The following MICAL2 variants were observed in gnomAD, a reference collection of about 807,000 sequenced individuals.
MICAL2 encodes microtubule associated monooxygenase, calponin and LIM domain containing 2.
A neutral mutation model predicts 127.3 loss-of-function variants in MICAL2; 77 were observed. The observed-to-expected ratio is 0.60, with a 90% CI of 0.50 to 0.73. The LOEUF (loss-of-function observed/expected upper bound fraction) is 0.73. MICAL2 is among the 30% of genes least tolerant of loss of function. The pLI is 0.00. For missense variants in MICAL2, 1,351 were observed against 1,434.4 expected (o/e 0.94, Z 0.94); for synonymous variants, 570 against 551.1 (o/e 1.03, Z -0.48).
intron 32 of MICAL2, among the ~76,000 whole-genome samples, chr11:12,330,751 C>T (rs1864406302): frequency 6.7e-6 from 1 of 150,182 alleles, no homozygotes; most frequent in African/African-American, 2.4e-5. Flanking sequence ...TAATAATCCA[C>T]CCCAGATGAC....
At chr11:12,257,832 G>C (rs546286853) in intron 24 of MICAL2, among the ~76,000 whole-genome samples, 13 of 152,190 alleles carry the variant, frequency 8.5e-5, no homozygotes, top group Non-Finnish European at 1.8e-4. Flanking sequence ...AGTGAGCAAG[G>C]AAGGCTTGTC....
intron 32 of MICAL2, among the ~76,000 whole-genome samples, chr11:12,347,873 G>A (rs1938981100): frequency 6.6e-6 from 1 of 152,038 alleles, no homozygotes; most frequent in East Asian, 1.9e-4. Flanking sequence ...GACATAGCAG[G>A]CCAGGCACGG....
chr11:12,194,631 G>A (rs1490587702), intron 3 of MICAL2, among the ~76,000 whole-genome samples: 1 of 152,070 alleles, frequency 6.6e-6, no homozygotes, highest in African/African-American at 2.4e-5. Flanking sequence ...CTAAAGAAAT[G>A]TGAGATTTAT....
intron 2 of MICAL2, among the ~76,000 whole-genome samples, chr11:12,155,876 C>T (rs1854132135): frequency 6.6e-6 from 1 of 152,148 alleles, no homozygotes; most frequent in African/African-American, 2.4e-5. Flanking sequence ...GATGCCAGGA[C>T]GGGAGGCCTG....
intron 3 of MICAL2, among the ~76,000 whole-genome samples, chr11:12,202,401 A>G (rs1281102109): frequency 6.6e-6 from 1 of 152,222 alleles, no homozygotes; most frequent in African/African-American, 2.4e-5. Flanking sequence ...CCAATTAAGC[A>G]GCTGCTTTGT....
At chr11:12,134,631 A>G (rs16910591) in intron 1 of MICAL2, among the ~76,000 whole-genome samples, 1 of 152,272 alleles carries the variant, frequency 6.6e-6, no homozygotes, top group Non-Finnish European at 1.5e-5. Flanking sequence ...TAAAGCAGGC[A>G]CTTGTTGAGG....
chr11:12,202,452 T>A (rs1301169171), intron 3 of MICAL2, among the ~76,000 whole-genome samples: 2 of 152,134 alleles, frequency 1.3e-5, no homozygotes, highest in African/African-American at 4.8e-5. Context: ...CCATAATAGT[T>A]CCTTAGATTT....
At chr11:12,359,314 T>A (rs960276269), downstream of MICAL2, among the ~76,000 whole-genome samples, 13 of 139,874 alleles carry the variant, frequency 9.3e-5, no homozygotes, top group African/African-American at 3.1e-4. Context: ...AAGTACTTTT[T>A]AAATAAGTGT....
chr11:12,276,872 C>A (rs1306497108), intron 1 of MICAL2, among the ~76,000 whole-genome samples: 1 of 152,188 alleles, frequency 6.6e-6, no homozygotes, highest in African/African-American at 2.4e-5. Flanking sequence ...AAAGCATCAC[C>A]TATGCGCCAG....
At chr11:12,306,187 CT>C (rs1223255499) in intron 29 of MICAL2, among the ~76,000 whole-genome samples, 1 of 152,198 alleles carries the variant, frequency 6.6e-6, no homozygotes, top group Non-Finnish European at 1.5e-5. Flanking sequence ...TCCTCTGTTT[CT>C]TTCAGTCACT....
At chr11:12,120,406 G>A (rs947063360) in intron 1 of MICAL2, among the ~76,000 whole-genome samples, 3 of 152,162 alleles carry the variant, frequency 2.0e-5, no homozygotes, top group East Asian at 3.9e-4. Flanking sequence ...GCCCAGGCTC[G>A]GAGCTCACAG....
At chr11:12,204,112 C>T (rs973668414) in intron 3 of MICAL2, 138 bp from the exon 4 acceptor site, 4 of 758,560 alleles carry the variant, frequency 5.3e-6, no homozygotes, top group Admixed American at 4.6e-5. Flanking sequence ...AATGACAGGC[C>T]CTAACAGGTA....
At chr11:12,136,776 A>G (rs554656217) in intron 1 of MICAL2, among the ~76,000 whole-genome samples, 2 of 152,170 alleles carry the variant, frequency 1.3e-5, no homozygotes, top group East Asian at 3.9e-4. Flanking sequence ...GGCCTCTGTG[A>G]GCATCTGACC....
At chr11:12,149,980 G>A (rs758920641) in intron 2 of MICAL2, among the ~76,000 whole-genome samples, 24 of 152,266 alleles carry the variant, frequency 1.6e-4, no homozygotes, top group South Asian at 4.1e-4. Flanking sequence ...CATAAGTGGC[G>A]GTTGCATTTA....
downstream of MICAL2, among the ~76,000 whole-genome samples, chr11:12,360,012 G>A (rs1395351806): frequency 6.6e-6 from 1 of 151,916 alleles, no homozygotes; most frequent in African/African-American, 2.4e-5. Context: ...TTTCCTCTGA[G>A]TCAGCCAATG....
rs115662296 is a variant in MICAL2, at chr11:12,145,254, C to A, written c.-78+6794C>A. Among the ~76,000 whole-genome samples, 728 of 152,266 alleles carry A rather than the reference C, an allele frequency of 4.8e-3. 2 individuals are homozygous for A. Among genetic ancestry groups the A allele is most frequent in the African/African-American group, 0.017 (703 of 41,546 alleles). ...AGTGAACAGGCCTCAGACTATGTGG[C>A]CTGCATGCTATCAGGACCCAGCATG... On this transcript the variant is annotated intron_variant, in intron 2 of 27. Transcript: ENST00000683283.
chr11:12,263,469 C>G (rs979923327), intron 27 of MICAL2, 91 bp from the exon 28 acceptor site: 1 of 152,686 alleles, frequency 6.5e-6, no homozygotes, highest in African/African-American at 2.4e-5. Context: ...CCCGGGCCTG[C>G]CTGCCTGGCC....
intron 1 of MICAL2, among the ~76,000 whole-genome samples, chr11:12,118,681 C>G (rs999516381): frequency 3.3e-5 from 5 of 152,212 alleles, no homozygotes; most frequent in Non-Finnish European, 5.9e-5. Context: ...ACAAAAAGCA[C>G]TAAGACAGAC....
At chr11:12,116,351 ATTT>A (rs56280931) in intron 1 of MICAL2, among the ~76,000 whole-genome samples, 1,594 of 107,722 alleles carry the variant, frequency 0.015, 20 homozygotes, top group Middle Eastern at 0.039. Flanking sequence ...CTTGATTTTG[ATTT>A]TTTTTTTTTT....
Sources: allele counts gnomAD v4.1 joint callset (sites outside exome capture counted in the v4.1 genomes callset), GRCh38; gene constraint gnomAD v4.1.1; transcripts MANE v1.5; gene names NCBI Gene and HGNC (gene_info 2026-07-23, HGNC 2026-07-21).